Variants in OSBPL3 observed in about 807,000 individuals in gnomAD.
OSBPL3 encodes oxysterol-binding protein-related protein 3.
Under a neutral mutation model 120.1 loss-of-function variants are expected in OSBPL3, and 65 were observed. The ratio of observed to expected loss-of-function variants is 0.54; its 90% CI spans 0.44 to 0.67. The LOEUF (loss-of-function observed/expected upper bound fraction) is 0.67. Among genes scored for constraint, OSBPL3 ranks in the 30% least tolerant of loss-of-function variants. OSBPL3 has a pLI of 0.00. For synonymous variants in OSBPL3, 416 were observed against 402.6 expected (o/e 1.03, Z -0.40); for missense variants, 1,004 against 1,082.1 (o/e 0.93, Z 1.01).
rs1808917198 is a variant in OSBPL3, at chr7:24,912,188, T to C, written c.-149-19567A>G. On this transcript the variant is annotated intron_variant, in intron 1 of 22. Transcript: ENST00000313367. The surrounding 1 kb of genome is among the most constrained non-coding windows in gnomAD (Gnocchi z 4.5). The stretch of plus-strand genomic sequence containing the variant: ...AAGAAAATATTCTCAAGTATCCATT[T>C]ATCAAACTTTAAAAATTTGTGGAAA... 6.6e-6 allele frequency among the ~76,000 whole-genome samples: 1 copy of C among 152,266 alleles called. No individual in the cohort carries two copies. Among genetic ancestry groups the C allele is most frequent in the African/African-American group, 2.4e-5 (1 of 41,468 alleles).
intron 2 of OSBPL3, among the ~76,000 whole-genome samples, chr7:24,886,135 G>A (rs777105035): frequency 3.5e-4 from 54 of 152,174 alleles, no homozygotes; most frequent in Admixed American, 3.0e-3. Context: ...CTTACTGAAT[G>A]TTTCCCCTAT....
rs1386834133 is a variant in OSBPL3 at position 24,854,923 on chromosome 7, T to C, written c.1028-2289A>G. ...AATAACAAATGTTACTGCAATATCA[T>C]AGTGATACCGATGAAGGAGACACAT... On this transcript the variant is annotated intron_variant, in intron 10 of 22. Coordinates refer to ENST00000313367, the MANE Select transcript of OSBPL3 (RefSeq NM_015550.4). This position sits in a 1 kb window ranked among gnomAD's most constrained non-coding sequence, Gnocchi z 4.1. Among the ~76,000 whole-genome samples the C allele has an allele frequency of 6.6e-6, 1 of 152,242 alleles. No homozygotes were observed. The highest frequency in any genetic ancestry group is 6.5e-5 in the Admixed American group (1 of 15,286).
Position 24,922,553 on chromosome 7 carries a change from G to C in OSBPL3, c.-149-29932C>G, listed in dbSNP as rs1810526711. On this transcript the variant is annotated intron_variant, in intron 1 of 22. Transcript: ENST00000313367. This position sits in a 1 kb window ranked among gnomAD's most constrained non-coding sequence, Gnocchi z 4.3. ...ATGCACTATGTGATTCATCATTACA[G>C]TAAACCCCAAGGGAAGTGTGTAAAA... Among the ~76,000 whole-genome samples, 1 of 152,140 alleles carries C rather than the reference G, an allele frequency of 6.6e-6. No homozygotes were observed. Among genetic ancestry groups the C allele is most frequent in the African/African-American group, 2.4e-5 (1 of 41,434 alleles).
upstream of OSBPL3, chr7:24,980,193 G>A (rs370173311): frequency 2.9e-6 from 1 of 341,764 alleles, no homozygotes; most frequent in South Asian, 1.2e-4. Flanking sequence ...CGCGCCGCCC[G>A]GCGATTAGCC....
chr7:24,857,742 G>T (rs957509601), intron 10 of OSBPL3, among the ~76,000 whole-genome samples: 1 of 152,150 alleles, frequency 6.6e-6, no homozygotes, highest in East Asian at 1.9e-4. Flanking sequence ...GAATAGGGGG[G>T]AAGATTCCCA....
chr7:24,948,974 CA>C (rs1175785500), intron 1 of OSBPL3, among the ~76,000 whole-genome samples: 1 of 152,188 alleles, frequency 6.6e-6, no homozygotes, highest in Non-Finnish European at 1.5e-5. Context: ...AATGACTTAT[CA>C]AAAGAGTCTG....
Position 24,873,542 on chromosome 7 carries a change from A to G in OSBPL3, c.97-1473T>C, listed in dbSNP as rs918781703. 6.6e-6 allele frequency among the ~76,000 whole-genome samples: 1 copy of G among 152,188 alleles called. No homozygotes were observed. The highest frequency in any genetic ancestry group is 1.5e-5 in the Non-Finnish European group (1 of 68,030). On this transcript the variant is annotated intron_variant, in intron 2 of 22. Coordinates refer to ENST00000313367, the MANE Select transcript of OSBPL3 (RefSeq NM_015550.4). The surrounding 1 kb of genome is among the most constrained non-coding windows in gnomAD (Gnocchi z 4.1). ...CTGGAGTTGTGAAAAAGACTTCTTC[A>G]ATGGAAAAAAGCAAAGCTTCGAAAA...
rs867209882 is a variant in OSBPL3, at chr7:24,796,830, T to C, written c.*3353A>G. On this transcript the variant is annotated 3_prime_UTR_variant, in exon 23 of 23. Coordinates refer to ENST00000313367, the MANE Select transcript of OSBPL3 (RefSeq NM_015550.4). The surrounding 1 kb of genome is among the most constrained non-coding windows in gnomAD (Gnocchi z 5.2). ...TTTGCAGATATTTACATGACGCAGG[T>C]TTCCAACACAGAAAAATGAAGACTA... is the stretch of plus-strand genomic sequence containing the variant. The C allele has an allele frequency of 1.3e-5, 2 of 152,264 alleles. No homozygotes were observed. The highest frequency in any genetic ancestry group is 4.2e-4 in the South Asian group (2 of 4,812). The allele number at this position is 152,264 out of a possible 1,614,324, so 9.4% of individuals were successfully genotyped here.
chr7:24,815,307 A>G lies in OSBPL3; in HGVS notation c.2028-104T>C. 2 of 860,236 alleles carry G rather than the reference A, an allele frequency of 2.3e-6. No individual in the cohort carries two copies. Among genetic ancestry groups the G allele is most frequent in the Admixed American group, 4.3e-5 (2 of 46,740 alleles). The allele number at this position is 860,236 out of a possible 1,614,324, so 53.3% of individuals were successfully genotyped here. ...AAATAAGTCATGCAATGCATTATTC[A>G]TCTCTTTATTCACAGAAGCAACACT... On this transcript the variant is annotated intron_variant, in intron 18 of 22. Coordinates refer to ENST00000313367, the MANE Select transcript of OSBPL3 (RefSeq NM_015550.4). The surrounding 1 kb of genome is among the most constrained non-coding windows in gnomAD (Gnocchi z 5.1).
chr7:24,915,959 ACC>A (rs146475013), intron 1 of OSBPL3, among the ~76,000 whole-genome samples: 1,752 of 152,298 alleles, frequency 0.012, 35 homozygotes, highest in African/African-American at 0.04. Context: ...GTGGAGGGAT[ACC>A]CAGGGGAAAT....
At chr7:24,890,373 C>T (rs148972698) in intron 2 of OSBPL3, among the ~76,000 whole-genome samples, 28 of 152,266 alleles carry the variant, frequency 1.8e-4, no homozygotes, top group Admixed American at 5.9e-4. Context: ...GACAGACCAT[C>T]GGAAATGGCT....
intron 20 of OSBPL3, among the ~76,000 whole-genome samples, chr7:24,809,077 C>G (rs181684727): frequency 2.0e-5 from 3 of 152,270 alleles, no homozygotes; most frequent in South Asian, 2.1e-4. Context: ...AGCCACCCCC[C>G]CCACTCACTT....
chr7:24,962,974 G>A (rs935151165), intron 1 of OSBPL3, among the ~76,000 whole-genome samples: 1 of 152,168 alleles, frequency 6.6e-6, no homozygotes, highest in Admixed American at 6.5e-5. Flanking sequence ...TTTTTGAAAT[G>A]TAACATTCTG....
chr7:24,970,054 C>G (rs754693718), intron 1 of OSBPL3, among the ~76,000 whole-genome samples: 3 of 151,672 alleles, frequency 2.0e-5, no homozygotes, highest in Non-Finnish European at 4.4e-5. Context: ...TCCTAGCTAA[C>G]CTACCACTTC....
intron 2 of OSBPL3, among the ~76,000 whole-genome samples, chr7:24,880,270 C>G (rs753349018): frequency 6.6e-6 from 1 of 152,102 alleles, no homozygotes; most frequent in East Asian, 1.9e-4. Flanking sequence ...GAGGCAGAAC[C>G]CATTTGCAGA....
chr7:24,892,802 T>C (rs1362832431), intron 1 of OSBPL3, among the ~76,000 whole-genome samples, 181 bp from the exon 2 acceptor site: 3 of 152,194 alleles, frequency 2.0e-5, no homozygotes, highest in Admixed American at 6.5e-5. Flanking sequence ...TTTGTATAGG[T>C]GGTTTTTCAT....
chr7:24,944,772 T>C (rs1269889196), intron 1 of OSBPL3, among the ~76,000 whole-genome samples: 1 of 152,252 alleles, frequency 6.6e-6, no homozygotes, highest in Non-Finnish European at 1.5e-5. Context: ...ATGGTATTTG[T>C]ATTTTTCTTA....
At chr7:24,927,246 T>C (rs538108255) in intron 1 of OSBPL3, among the ~76,000 whole-genome samples, 1 of 152,326 alleles carries the variant, frequency 6.6e-6, no homozygotes, top group South Asian at 2.1e-4. Context: ...AACGAAGATA[T>C]ATTTTATGTG....
intron 19 of OSBPL3, among the ~76,000 whole-genome samples, chr7:24,811,575 G>A (rs1489572948): frequency 1.3e-5 from 2 of 152,132 alleles, no homozygotes; most frequent in East Asian, 3.9e-4. Flanking sequence ...AATAATAACT[G>A]CCCTGACCAA....
Sources: allele counts gnomAD v4.1 joint callset (sites outside exome capture counted in the v4.1 genomes callset), GRCh38; gene constraint gnomAD v4.1.1; non-coding constraint Gnocchi (gnomAD v3.1); transcripts MANE v1.5; gene names NCBI Gene and HGNC (gene_info 2026-07-23, HGNC 2026-07-21).